Variants in ADGRD1 observed in about 807,000 individuals in gnomAD.
The protein encoded by ADGRD1 is G-protein coupled receptor 133.
ADGRD1 carries 77 observed loss-of-function variants against 113.4 expected under a neutral mutation model. That is an observed-to-expected ratio of 0.68 (90% CI 0.57 to 0.82). ADGRD1 has a LOEUF of 0.82. Ranked by LOEUF, ADGRD1 falls within the 40% of genes least tolerant of loss-of-function variation. The pLI is 0.00. For missense variants in ADGRD1, 1,036 were observed against 1,139.1 expected, an observed-to-expected ratio of 0.91 and a Z score of 1.30; for synonymous variants, 474 against 475.0, an observed-to-expected ratio of 1.00 and a Z score of 0.03.
At chr12:131,002,898 C>A in intron 9 of ADGRD1, 1 of 1,023,434 alleles carries the variant, frequency 9.8e-7, no homozygotes, top group Non-Finnish European at 1.3e-6. Context: ...GGAGGCAGGA[C>A]CAGGAGTTGG....
chr12:131,051,877 A>AGAATTGAATT (rs1280505837), intron 13 of ADGRD1, among the ~76,000 whole-genome samples: 1 of 152,050 alleles, frequency 6.6e-6, no homozygotes, highest in East Asian at 1.9e-4. Flanking sequence ...AGAGTGGTGG[A>AGAATTGAATT]GAATTGAATT....
chr12:130,960,619 A>G (rs1870228371), intron 2 of ADGRD1, among the ~76,000 whole-genome samples: 1 of 150,956 alleles, frequency 6.6e-6, no homozygotes, highest in Non-Finnish European at 1.5e-5. Context: ...TAAATTGCTA[A>G]CATTAAAAAT....
intron 21 of ADGRD1, among the ~76,000 whole-genome samples, chr12:131,135,350 G>T (rs1951046635): frequency 6.6e-6 from 1 of 152,170 alleles, no homozygotes; most frequent in Non-Finnish European, 1.5e-5. Flanking sequence ...TGGGCTCTAG[G>T]GAGATAAAAA....
intron 20 of ADGRD1, among the ~76,000 whole-genome samples, chr12:131,123,348 G>A (rs1447194127): frequency 6.6e-6 from 1 of 151,472 alleles, no homozygotes; most frequent in Non-Finnish European, 1.5e-5. Flanking sequence ...CCCGGCCCTG[G>A]GAAGCTTTAA....
chr12:131,001,636 T>C (rs962055420), intron 9 of ADGRD1, among the ~76,000 whole-genome samples: 2 of 152,226 alleles, frequency 1.3e-5, no homozygotes, highest in African/African-American at 4.8e-5. Context: ...AATTTACTTC[T>C]CTGCCATGCA....
chr12:130,958,207 CT>C (rs36017791), intron 2 of ADGRD1, among the ~76,000 whole-genome samples: 1 of 119,714 alleles, frequency 8.4e-6, no homozygotes, highest in African/African-American at 3.3e-5. Context: ...CCAATCCTTT[CT>C]TTTTTTTTTG....
At chr12:131,030,302 T>C (rs1484033522) in intron 13 of ADGRD1, among the ~76,000 whole-genome samples, 1 of 151,092 alleles carries the variant, frequency 6.6e-6, no homozygotes, top group East Asian at 1.9e-4. Context: ...TGGACCCCTC[T>C]GGTGGAGGGT....
Position 131,025,404 on chromosome 12 carries a change from C to T in ADGRD1, c.1473+11064C>T, listed in dbSNP as rs144426550. On this transcript the variant is annotated intron_variant, in intron 13 of 24. Coordinates refer to ENST00000261654, the MANE Select transcript of ADGRD1 (RefSeq NM_198827.5). ...CCCCTGGCGGCACTCTGTCACGGGC[C>T]GTGAGGAGGAGGTGAACTCAGAAGA... Among the ~76,000 whole-genome samples, 16 of 152,280 alleles carry T rather than the reference C, an allele frequency of 1.1e-4. No homozygotes were observed. In the East Asian group the frequency reaches 2.9e-3, roughly 28 times the overall value.
chr12:131,100,771 G>C (rs1950051361), intron 15 of ADGRD1, among the ~76,000 whole-genome samples: 1 of 152,212 alleles, frequency 6.6e-6, no homozygotes, highest in Admixed American at 6.5e-5. Flanking sequence ...GTTTTAGAGA[G>C]TTGGCTGACC....
chr12:131,019,632 G>A (rs1382456023), intron 13 of ADGRD1, among the ~76,000 whole-genome samples: 1 of 152,238 alleles, frequency 6.6e-6, no homozygotes, highest in Non-Finnish European at 1.5e-5. Flanking sequence ...AGTGCTGCCA[G>A]TTTGATGGCT....
Position 131,104,878 on chromosome 12 carries a change from C to T in ADGRD1, c.1719C>T (p.Gly573=). ...QVALSSISYV[G]CSLSVLCLVA... ...CGCTGTCGTCTATCAGCTATGTGGGCTGCTCCCTCTCCGTGCTCTGCCTGG... is the reference window on the plus strand; with the variant it reads ...CGCTGTCGTCTATCAGCTATGTGGGTTGCTCCCTCTCCGTGCTCTGCCTGG... The change falls in exon 16 of 25, where the codon GGC becomes GGT. Residue 573 remains glycine, a synonymous_variant. Coordinates refer to ENST00000261654, the MANE Select transcript of ADGRD1 (RefSeq NM_198827.5). 6.4e-7 allele frequency: 1 copy of T among 1,551,284 alleles called. No individual in the cohort carries two copies. Among genetic ancestry groups the T allele is most frequent in the Non-Finnish European group, 8.7e-7 (1 of 1,147,282 alleles).
chr12:130,974,536 C>T (rs1207247760), intron 4 of ADGRD1, among the ~76,000 whole-genome samples: 1 of 152,108 alleles, frequency 6.6e-6, no homozygotes, highest in Non-Finnish European at 1.5e-5. Context: ...ATGTGTTCAG[C>T]GAGTCCTCCG....
At chr12:130,979,976 G>C (rs1177581435) in intron 4 of ADGRD1, among the ~76,000 whole-genome samples, 1 of 152,214 alleles carries the variant, frequency 6.6e-6, no homozygotes, top group Non-Finnish European at 1.5e-5. Flanking sequence ...AAGCTCCACA[G>C]AGCCTCCAGC....
Position 131,003,138 on chromosome 12 carries a change from C to T in ADGRD1, c.1027-47C>T. ...CTGGTGCACCTGCCTGGTGCCCTGG[C>T]TGAGTGGGGTGGATTTTCATGGCTC... is the stretch of plus-strand genomic sequence containing the variant. On this transcript the variant is annotated intron_variant, in intron 9 of 24. Coordinates refer to ENST00000261654, the MANE Select transcript of ADGRD1 (RefSeq NM_198827.5). This position sits in a 1 kb window ranked among gnomAD's most constrained non-coding sequence, Gnocchi z 4.8. 6.9e-7 allele frequency: 1 copy of T among 1,453,520 alleles called. No individual in the cohort carries two copies. The highest frequency in any genetic ancestry group is 9.7e-7 in the Non-Finnish European group (1 of 1,034,046). 90.0% of individuals were successfully genotyped at this position (1,453,520 alleles called of 1,614,324 possible).
intron 20 of ADGRD1, among the ~76,000 whole-genome samples, chr12:131,130,658 GC>G (rs1359582511): frequency 1.3e-5 from 2 of 152,234 alleles, no homozygotes; most frequent in African/African-American, 4.8e-5. Context: ...CTTCAGAAAG[GC>G]CTGGCGCGGG....
chr12:131,046,371 CTCCTCCCTGGTCAGTG>C (rs1882772658), intron 13 of ADGRD1, among the ~76,000 whole-genome samples: 1 of 18,876 alleles, frequency 5.3e-5, no homozygotes, highest in Admixed American at 7.3e-4. Flanking sequence ...CTGGTCAGTG[CTCCTCCCTGGTCAGTG>C]TCCTCCCTGG....
intron 13 of ADGRD1, among the ~76,000 whole-genome samples, chr12:131,020,128 T>G (rs1421709769): frequency 1.5e-5 from 2 of 133,596 alleles, no homozygotes; most frequent in East Asian, 2.2e-4. Flanking sequence ...CTGAGCTCCG[T>G]CCAGGGCAGG....
chr12:131,098,377 G>A (rs1368970234), intron 15 of ADGRD1, among the ~76,000 whole-genome samples: 3 of 152,150 alleles, frequency 2.0e-5, no homozygotes, highest in Non-Finnish European at 4.4e-5. Context: ...GGGAATGGGG[G>A]TTTGAGTCTG....
intron 12 of ADGRD1, among the ~76,000 whole-genome samples, chr12:131,010,817 C>A (rs924154869): frequency 6.6e-6 from 1 of 152,160 alleles, no homozygotes; most frequent in Non-Finnish European, 1.5e-5. Flanking sequence ...CTGCTTTCCC[C>A]AGGGCCAGCC....
Sources: allele counts gnomAD v4.1 joint callset (sites outside exome capture counted in the v4.1 genomes callset), GRCh38; gene constraint gnomAD v4.1.1; non-coding constraint Gnocchi (gnomAD v3.1); transcripts MANE v1.5; gene names NCBI Gene and HGNC (gene_info 2026-07-23, HGNC 2026-07-21).